PCDH9: variants seen among roughly 807,000 people sequenced by gnomAD.
PCDH9 encodes the protein protocadherin-9.
A neutral mutation model predicts 70.6 loss-of-function variants in PCDH9; 24 were observed. The ratio of observed to expected loss-of-function variants is 0.34; its 90% CI spans 0.25 to 0.48. The LOEUF is 0.48. Ranked by LOEUF, PCDH9 falls within the 20% of genes least tolerant of loss-of-function variation. The probability of loss-of-function intolerance (pLI) is 0.99; values close to 1 mark genes in which losing one functional copy is unlikely to be tolerated. For synonymous variants in PCDH9, 562 were observed against 558.5 expected (o/e 1.01, Z -0.09); for missense variants, 1,281 against 1,503.6 (o/e 0.85, Z 2.45).
At chr13:66,766,372 A>T (rs1235464104) in intron 3 of PCDH9, among the ~76,000 whole-genome samples, 1 of 152,046 alleles carries the variant, frequency 6.6e-6, no homozygotes, top group Non-Finnish European at 1.5e-5. Flanking sequence ...CCTTAGGCAC[A>T]CAAATATAAG....
intron 4 of PCDH9, among the ~76,000 whole-genome samples, chr13:66,533,575 A>G (rs1384745907): frequency 6.6e-6 from 1 of 152,134 alleles, no homozygotes; most frequent in African/African-American, 2.4e-5. Context: ...ACATTAGTCA[A>G]TTAATCCTAG....
chr13:66,424,832 T>C (rs1957640646), intron 4 of PCDH9, among the ~76,000 whole-genome samples: 1 of 151,890 alleles, frequency 6.6e-6, no homozygotes, highest in South Asian at 2.1e-4. Flanking sequence ...TAAATCTACA[T>C]ATTATCTTTT....
intron 2 of PCDH9, among the ~76,000 whole-genome samples, chr13:67,077,102 C>G (rs190709409): frequency 6.6e-6 from 1 of 152,174 alleles, no homozygotes; most frequent in African/African-American, 2.4e-5. Flanking sequence ...GGACAGATCA[C>G]AGCCTTCTTC....
intron 3 of PCDH9, among the ~76,000 whole-genome samples, chr13:66,676,568 G>A (rs1229305312): frequency 1.3e-5 from 2 of 152,068 alleles, no homozygotes; most frequent in African/African-American, 4.8e-5. Flanking sequence ...ATCCATGACA[G>A]GATATCAGTG....
chr13:66,540,059 A>G (rs1050681312), intron 4 of PCDH9, among the ~76,000 whole-genome samples: 1 of 151,466 alleles, frequency 6.6e-6, no homozygotes, highest in African/African-American at 2.4e-5. Flanking sequence ...ACTTTTTTGC[A>G]GAGACAGGGT....
At chr13:66,824,303 GTATATATATATATATATATATA>G (rs60742942) in intron 3 of PCDH9, among the ~76,000 whole-genome samples, 2,316 of 128,380 alleles carry the variant, frequency 0.018, 87 homozygotes, top group African/African-American at 0.064. Context: ...TTGTTTGAAA[GTATATATATATATATATATATA>G]TATATATATA....
At chr13:66,813,871 A>C (rs1364398294) in intron 3 of PCDH9, among the ~76,000 whole-genome samples, 1 of 152,190 alleles carries the variant, frequency 6.6e-6, no homozygotes, top group African/African-American at 2.4e-5. Context: ...AATTGGTCTA[A>C]ATAAAAAAAA....
chr13:66,306,384 C>A (rs1050875950), intron 4 of PCDH9: 1 of 150,374 alleles, frequency 6.7e-6, no homozygotes, highest in Admixed American at 6.7e-5. Flanking sequence ...CCAGAGACAG[C>A]AAACCACAGG....
At chr13:66,698,764 T>C (rs568293725) in intron 3 of PCDH9, among the ~76,000 whole-genome samples, 145 of 152,070 alleles carry the variant, frequency 9.5e-4, no homozygotes, top group Admixed American at 2.2e-3. Context: ...TAATTTTTTG[T>C]AGAGATGGGG....
At chr13:66,990,018 T>C (rs1315700234) in intron 2 of PCDH9, among the ~76,000 whole-genome samples, 1 of 151,918 alleles carries the variant, frequency 6.6e-6, no homozygotes, top group Non-Finnish European at 1.5e-5. Context: ...AATAAATGTA[T>C]CATTAACTCT....
At chr13:66,608,780 A>C (rs1337050026) in intron 4 of PCDH9, among the ~76,000 whole-genome samples, 1 of 152,144 alleles carries the variant, frequency 6.6e-6, no homozygotes, top group Non-Finnish European at 1.5e-5. Context: ...TAATAAAGAG[A>C]GAGAGCAACA....
At chr13:66,616,389 T>C (rs1178872220) in intron 4 of PCDH9, among the ~76,000 whole-genome samples, 2 of 100,422 alleles carry the variant, frequency 2.0e-5, no homozygotes, top group Non-Finnish European at 4.4e-5. Flanking sequence ...AACCACTCAT[T>C]CCTATCAGAA....
intron 3 of PCDH9, among the ~76,000 whole-genome samples, chr13:66,730,548 A>G (rs2079058864): frequency 6.6e-6 from 1 of 152,144 alleles, no homozygotes; most frequent in Admixed American, 6.6e-5. Flanking sequence ...ATCACAGTCA[A>G]AACTGTATAC....
At chr13:66,759,517 C>G (rs1268705984) in intron 3 of PCDH9, among the ~76,000 whole-genome samples, 1 of 151,906 alleles carries the variant, frequency 6.6e-6, no homozygotes, top group East Asian at 1.9e-4. Flanking sequence ...CTTACTATTG[C>G]CATTTTGTTA....
chr13:66,974,607 A>C (rs2083582758), intron 2 of PCDH9, among the ~76,000 whole-genome samples: 1 of 151,922 alleles, frequency 6.6e-6, no homozygotes, highest in Non-Finnish European at 1.5e-5. Flanking sequence ...ATTCTATAGA[A>C]CTGTTTCTTG....
chr13:66,927,764 G>A (rs1264843786), intron 2 of PCDH9, among the ~76,000 whole-genome samples: 2 of 151,862 alleles, frequency 1.3e-5, no homozygotes, highest in African/African-American at 4.8e-5. Context: ...GTTGGATTAG[G>A]CCCCACTCCA....
At chr13:66,931,394 C>A (rs1360489651) in intron 2 of PCDH9, among the ~76,000 whole-genome samples, 1 of 152,052 alleles carries the variant, frequency 6.6e-6, no homozygotes, top group Non-Finnish European at 1.5e-5. Flanking sequence ...CTAATCAACT[C>A]ACCCTACTCA....
chr13:66,870,004 A>G (rs1026713090), intron 3 of PCDH9, among the ~76,000 whole-genome samples: 2 of 152,116 alleles, frequency 1.3e-5, no homozygotes, highest in African/African-American at 4.8e-5. Flanking sequence ...GCCCATCCCT[A>G]TGTCCTGAAT....
chr13:66,463,930 G>A (rs1958469936), intron 4 of PCDH9, among the ~76,000 whole-genome samples: 1 of 151,512 alleles, frequency 6.6e-6, no homozygotes, highest in African/African-American at 2.4e-5. Context: ...TAGATGTCTA[G>A]GGGAAAAAAG....
Sources: allele counts gnomAD v4.1 joint callset (sites outside exome capture counted in the v4.1 genomes callset), GRCh38; gene constraint gnomAD v4.1.1; transcripts MANE v1.5; gene names NCBI Gene and HGNC (gene_info 2026-07-23, HGNC 2026-07-21).